Variants in TTLL5 observed in about 807,000 individuals in gnomAD.
TTLL5 encodes tubulin tyrosine ligase like 5.
In TTLL5, 132 loss-of-function variants were observed where a neutral mutation model predicts 168.4. That is an observed-to-expected ratio of 0.78 (90% confidence interval 0.68 to 0.91). TTLL5 has a LOEUF of 0.91. Among genes scored for constraint, TTLL5 ranks in the 40% least tolerant of loss-of-function variants. The pLI, the probability that TTLL5 is intolerant of heterozygous loss-of-function variation, is 0.00. For missense variants in TTLL5, 1,545 were observed against 1,581.5 expected (o/e 0.98, Z 0.39); for synonymous variants, 546 against 558.6 (o/e 0.98, Z 0.32).
intron 12 of TTLL5, among the ~76,000 whole-genome samples, chr14:75,722,253 C>CT (rs891851557): frequency 4.7e-4 from 70 of 148,738 alleles, no homozygotes; most frequent in African/African-American, 9.6e-4. Context: ...TCATGCTGTT[C>CT]TTTTTTTTTT....
At chr14:75,709,328 A>C in intron 9 of TTLL5, 1 of 651,914 alleles carries the variant, frequency 1.5e-6, no homozygotes, top group South Asian at 1.6e-5. Context: ...TTTCACATGT[A>C]TCCTATGACT....
intron 29 of TTLL5, 58 bp from the exon 30 acceptor site, chr14:75,882,627 A>C: frequency 6.8e-7 from 1 of 1,466,718 alleles, no homozygotes; most frequent in Admixed American, 1.9e-5. Flanking sequence ...AGTTACATAC[A>C]GTAAATGGGT....
chr14:75,700,321 G>A (rs546831286), intron 7 of TTLL5, among the ~76,000 whole-genome samples: 6 of 152,188 alleles, frequency 3.9e-5, no homozygotes, highest in Middle Eastern at 3.2e-3. Flanking sequence ...CCTGAAGCTG[G>A]TGATCAGCCA....
chr14:75,783,519 C>T lies in TTLL5; in HGVS notation c.2975C>T (p.Ser992Leu), dbSNP rs766790509. 6.2e-7 allele frequency: 1 copy of T among 1,613,180 alleles called. No homozygotes were observed. The highest frequency in any genetic ancestry group is 2.2e-5 in the East Asian group (1 of 44,872). ...AGCCAGAAACTGTCTCGTCCCTCTT[C>T]AGCAAAGGCAGGTGAGTGAGAGAAC... ...IYSQKLSRPS[S>L]AKAGSCYLNK... is the part of the protein sequence containing the mutation. Residue 992 changes from serine to leucine, a missense_variant, in exon 26 of 32, where the codon TCA (serine) becomes TTA (leucine). By Grantham distance (145) the Ser-to-Leu change is moderately radical. Coordinates refer to ENST00000298832, the MANE Select transcript of TTLL5 (RefSeq NM_015072.5).
intron 7 of TTLL5, among the ~76,000 whole-genome samples, chr14:75,702,856 A>C (rs2140162641): frequency 6.6e-6 from 1 of 152,322 alleles, no homozygotes; most frequent in South Asian, 2.1e-4. Context: ...GCCAGACAGA[A>C]GCCTGGGAGG....
At chr14:75,948,390 C>T (rs886183165) in intron 31 of TTLL5, among the ~76,000 whole-genome samples, 3 of 151,840 alleles carry the variant, frequency 2.0e-5, no homozygotes, top group African/African-American at 7.3e-5. Context: ...GAGGCTGAGG[C>T]AGGAGAATGG....
intron 15 of TTLL5, among the ~76,000 whole-genome samples, chr14:75,741,036 G>A (rs926587471): frequency 6.6e-6 from 1 of 152,188 alleles, no homozygotes; most frequent in African/African-American, 2.4e-5. Flanking sequence ...TTTAAAGGCT[G>A]AGAGTCATTT....
rs112120030 is a variant in TTLL5, at chr14:75,818,497, T to C, written c.3172-1510T>C. ...CATTATTTTTCTTTTCTTTTCTTTTTTTTTTTTTGAGATGGAGTCTCACTC... is the reference window on the plus strand; with the variant it reads ...CATTATTTTTCTTTTCTTTTCTTTTCTTTTTTTTGAGATGGAGTCTCACTC... On this transcript the variant is annotated intron_variant, in intron 27 of 31. Coordinates refer to ENST00000298832, the MANE Select transcript of TTLL5 (RefSeq NM_015072.5). 5.6e-4 allele frequency: 227 copies of C among 402,442 alleles called. 2 individuals are homozygous for C. Among genetic ancestry groups the C allele is most frequent in the African/African-American group, 8.8e-4 (40 of 45,676 alleles). 24.9% of individuals were successfully genotyped at this position (402,442 alleles called of 1,614,324 possible). A position where few individuals can be genotyped will look rare whatever the true frequency, so the allele number is the denominator to read the frequency against.
At chr14:75,667,252 A>G (rs1883330863) in intron 2 of TTLL5, among the ~76,000 whole-genome samples, 1 of 152,218 alleles carries the variant, frequency 6.6e-6, no homozygotes, top group African/African-American at 2.4e-5. Context: ...TTGGAGCAGC[A>G]ATCCATTGTT....
chr14:75,946,874 G>A (rs2034792147), intron 31 of TTLL5, among the ~76,000 whole-genome samples: 2 of 152,228 alleles, frequency 1.3e-5, no homozygotes, highest in Non-Finnish European at 2.9e-5. Flanking sequence ...AGATATGGAT[G>A]GAAGGGAACT....
chr14:75,926,454 T>C (rs567615811), intron 31 of TTLL5, among the ~76,000 whole-genome samples: 61 of 152,300 alleles, frequency 4.0e-4, no homozygotes, highest in Admixed American at 5.2e-4. Flanking sequence ...CAATGGTCTT[T>C]ACAATTTGGC....
chr14:75,784,865 T>G (rs746730036), intron 26 of TTLL5, among the ~76,000 whole-genome samples: 1 of 152,224 alleles, frequency 6.6e-6, no homozygotes, highest in Non-Finnish European at 1.5e-5. Flanking sequence ...TTTCATTTGC[T>G]TATTGGATTT....
chr14:75,690,595 C>T (rs1283620503), intron 6 of TTLL5, among the ~76,000 whole-genome samples: 1 of 151,838 alleles, frequency 6.6e-6, no homozygotes, highest in Admixed American at 6.6e-5. Flanking sequence ...TCCCTTCTCT[C>T]CATTGATGAC....
Position 75,783,450 on chromosome 14 carries a change from C to T in TTLL5, c.2906C>T (p.Thr969Ile). Residue 969 changes from threonine to isoleucine, a missense_variant, in exon 26 of 32, where the codon ACC (threonine) becomes ATC (isoleucine). Transcript: ENST00000298832. ...CCACGCTGTCGATCAGGAAGTCACACCATTGGTCCCTTTTCTTCCTTCCAA... is the reference window on the plus strand; with the variant it reads ...CCACGCTGTCGATCAGGAAGTCACATCATTGGTCCCTTTTCTTCCTTCCAA... ...GLPRCRSGSH[T>I]IGPFSSFQSA... 1 of 1,614,206 alleles carries T rather than the reference C, an allele frequency of 6.2e-7. No individual in the cohort carries two copies. The highest frequency in any genetic ancestry group is 8.5e-7 in the Non-Finnish European group (1 of 1,180,034).
intron 18 of TTLL5, among the ~76,000 whole-genome samples, chr14:75,758,936 T>C (rs1443553016): frequency 1.3e-5 from 2 of 152,158 alleles, no homozygotes; most frequent in Non-Finnish European, 2.9e-5. Context: ...AATTGAGGAC[T>C]GAGATCACTG....
chr14:75,749,215 A>G (rs1415917922), intron 17 of TTLL5, among the ~76,000 whole-genome samples: 3 of 152,158 alleles, frequency 2.0e-5, no homozygotes, highest in Non-Finnish European at 4.4e-5. Flanking sequence ...CTTTTAATTA[A>G]TGAAAGGGGG....
At chr14:75,668,376 GAC>G (rs973458546) in intron 2 of TTLL5, among the ~76,000 whole-genome samples, 1 of 152,170 alleles carries the variant, frequency 6.6e-6, no homozygotes, top group Non-Finnish European at 1.5e-5. Context: ...ACCTTTCTGA[GAC>G]AGTTTTCCTG....
chr14:75,764,333 A>AT (rs1211874725), intron 18 of TTLL5, among the ~76,000 whole-genome samples: 9 of 152,212 alleles, frequency 5.9e-5, no homozygotes, highest in Non-Finnish European at 8.8e-5. Context: ...GTGGCACTTT[A>AT]TAATCCCTGC....
At chr14:75,919,966 C>T (rs574041819) in intron 31 of TTLL5, among the ~76,000 whole-genome samples, 2 of 152,112 alleles carry the variant, frequency 1.3e-5, no homozygotes, top group East Asian at 3.9e-4. Context: ...ACTAAAAATA[C>T]AAAAATTAGC....
Sources: gnomAD v4.1 joint callset for allele counts (sites outside exome capture counted in the v4.1 genomes callset) on GRCh38, gnomAD v4.1.1 for gene constraint, MANE v1.5 for transcripts, NCBI Gene and HGNC (gene_info 2026-07-23, HGNC 2026-07-21) for gene names.